Variants in LINGO2 observed in about 807,000 individuals in gnomAD.
LINGO2 encodes the protein leucine-rich repeat and immunoglobulin-like domain-containing nogo receptor-interacting protein 2.
A neutral mutation model predicts 30.6 loss-of-function variants in LINGO2; 14 were observed. The observed-to-expected ratio is 0.46, with a 90% confidence interval of 0.30 to 0.72. The LOEUF (loss-of-function observed/expected upper bound fraction) is 0.72, where lower values mean the gene tolerates loss of function less well. Ranked by LOEUF, LINGO2 falls within the 30% of genes least tolerant of loss-of-function variation. The pLI is 0.07. For synonymous variants in LINGO2, 317 were observed against 288.5 expected, an observed-to-expected ratio of 1.10 and a Z score of -1.00; for missense variants, 729 against 751.7, an observed-to-expected ratio of 0.97 and a Z score of 0.35.
chr9:28,084,306 G>A (rs942968991), intron 4 of LINGO2, among the ~76,000 whole-genome samples: 1 of 152,050 alleles, frequency 6.6e-6, no homozygotes, highest in Non-Finnish European at 1.5e-5. Flanking sequence ...CAGTCACTTG[G>A]TATCTATTAT....
At chr9:28,233,196 T>C (rs554461336) in intron 4 of LINGO2, among the ~76,000 whole-genome samples, 3 of 151,448 alleles carry the variant, frequency 2.0e-5, no homozygotes, top group South Asian at 4.2e-4. Context: ...ATGAAAAACA[T>C]GTAAGTTATT....
intron 4 of LINGO2, among the ~76,000 whole-genome samples, chr9:28,271,732 T>G (rs1202641230): frequency 6.6e-6 from 1 of 152,152 alleles, no homozygotes; most frequent in East Asian, 1.9e-4. Context: ...CTGTACCCAC[T>G]GCGATGCCTT....
At chr9:27,943,102 CTGTT>C (rs1223071405), downstream of LINGO2, 1 of 79,524 alleles carries the variant, frequency 1.3e-5, no homozygotes, top group Non-Finnish European at 3.5e-5. Context: ...AATTAATCTC[CTGTT>C]TATTATTTAT....
At chr9:28,880,262 A>G in the LINGO2 span, among the ~76,000 whole-genome samples, 54 of 152,312 alleles carry the variant, frequency 3.5e-4, no homozygotes, top group Admixed American at 3.5e-3. Flanking sequence ...AAGGAAATAC[A>G]TAAGAGACTC....
At chr9:28,707,436 T>C in the LINGO2 span, among the ~76,000 whole-genome samples, 1 of 152,158 alleles carries the variant, frequency 6.6e-6, no homozygotes, top group South Asian at 2.1e-4. Flanking sequence ...CTGAAATGCA[T>C]ATATCCCTGA....
intron 4 of LINGO2, among the ~76,000 whole-genome samples, chr9:28,149,975 G>A (rs1827948496): frequency 6.7e-6 from 1 of 150,284 alleles, no homozygotes; most frequent in South Asian, 2.1e-4. Flanking sequence ...GAAATGAGGA[G>A]CGCCTCTGCC....
the LINGO2 span, among the ~76,000 whole-genome samples, chr9:29,202,439 C>T: frequency 1.3e-5 from 2 of 151,924 alleles, no homozygotes; most frequent in Non-Finnish European, 2.9e-5. Flanking sequence ...CTGCTTCCAA[C>T]ATCTAAAAAT....
intron 1 of LINGO2, among the ~76,000 whole-genome samples, chr9:28,626,148 T>C (rs1007567870): frequency 7.9e-5 from 12 of 152,184 alleles, no homozygotes; most frequent in African/African-American, 2.9e-4. Context: ...TCACTGTCTT[T>C]AACTCTCACT....
At chr9:28,665,660 G>A (rs1303550883) in intron 1 of LINGO2, among the ~76,000 whole-genome samples, 1 of 152,170 alleles carries the variant, frequency 6.6e-6, no homozygotes, top group African/African-American at 2.4e-5. Context: ...ATTGATTCAA[G>A]TTTTGGTTTA....
intron 4 of LINGO2, among the ~76,000 whole-genome samples, chr9:28,050,851 A>G (rs1367512042): frequency 6.6e-6 from 1 of 150,994 alleles, no homozygotes. Context: ...CAAATGTTCA[A>G]TTTGGTGATT....
At chr9:28,460,641 G>T (rs1403106798) in intron 2 of LINGO2, among the ~76,000 whole-genome samples, 1 of 152,114 alleles carries the variant, frequency 6.6e-6, no homozygotes, top group African/African-American at 2.4e-5. Flanking sequence ...TCAGAAAAAT[G>T]ATCTTTCAAT....
intron 3 of LINGO2, among the ~76,000 whole-genome samples, chr9:28,338,087 G>T (rs1825647719): frequency 6.6e-6 from 1 of 152,172 alleles, no homozygotes; most frequent in Non-Finnish European, 1.5e-5. Context: ...AACCGAGAAG[G>T]GGAGATGTAC....
intron 4 of LINGO2, among the ~76,000 whole-genome samples, chr9:28,021,762 T>A (rs1823136219): frequency 6.6e-6 from 1 of 152,146 alleles, no homozygotes; most frequent in South Asian, 2.1e-4. Context: ...ATTTTCCTTG[T>A]TCTGAAGTCA....
chr9:28,743,741 T>G, the LINGO2 span, among the ~76,000 whole-genome samples: 1 of 151,856 alleles, frequency 6.6e-6, no homozygotes, highest in East Asian at 1.9e-4. Context: ...CTTTCAAGAT[T>G]TTTCTATTTA....
the LINGO2 span, among the ~76,000 whole-genome samples, chr9:29,200,499 T>C: frequency 2.6e-5 from 4 of 152,094 alleles, no homozygotes; most frequent in African/African-American, 9.7e-5. Context: ...GAGTAAAATA[T>C]TGTTTGTTTT....
chr9:28,498,047 G>A (rs1474007925), intron 1 of LINGO2, among the ~76,000 whole-genome samples: 1 of 152,156 alleles, frequency 6.6e-6, no homozygotes, highest in African/African-American at 2.4e-5. Context: ...ACCTGGCCAT[G>A]TGAGGTGTCA....
At chr9:28,925,562 C>A in the LINGO2 span, among the ~76,000 whole-genome samples, 4 of 152,212 alleles carry the variant, frequency 2.6e-5, no homozygotes, top group Admixed American at 2.6e-4. Flanking sequence ...TAACTGGAAG[C>A]TTTGCATTTG....
chr9:28,161,148 T>C (rs1374493979), intron 4 of LINGO2, among the ~76,000 whole-genome samples: 5 of 152,198 alleles, frequency 3.3e-5, no homozygotes, highest in Admixed American at 6.5e-5. Context: ...GTGAAATTAT[T>C]CCTAATAGCT....
chr9:29,043,197 T>A, the LINGO2 span, among the ~76,000 whole-genome samples: 2 of 151,890 alleles, frequency 1.3e-5, no homozygotes, highest in African/African-American at 2.4e-5. Flanking sequence ...CCACTGCCTA[T>A]CAAACTCAAA....
Sources: allele counts gnomAD v4.1 joint callset (sites outside exome capture counted in the v4.1 genomes callset), GRCh38; gene constraint gnomAD v4.1.1; transcripts MANE v1.5; gene names NCBI Gene and HGNC (gene_info 2026-07-23, HGNC 2026-07-21).